Variants in LINGO2 observed in about 807,000 individuals in gnomAD.
The protein encoded by LINGO2 is leucine-rich repeat and immunoglobulin-like domain-containing nogo receptor-interacting protein 2.
In LINGO2, 14 loss-of-function variants were observed where a neutral mutation model predicts 30.6. The ratio of observed to expected loss-of-function variants is 0.46; its 90% CI spans 0.30 to 0.72. The LOEUF (loss-of-function observed/expected upper bound fraction) is 0.72, where lower values mean the gene tolerates loss of function less well. LINGO2 is among the 30% of genes least tolerant of loss of function. LINGO2 has a pLI of 0.07. For missense variants in LINGO2, 729 were observed against 751.7 expected (o/e 0.97, Z 0.35); for synonymous variants, 317 against 288.5 (o/e 1.10, Z -1.00).
chr9:28,284,133 A>G (rs868544506), intron 4 of LINGO2, among the ~76,000 whole-genome samples: 1 of 152,098 alleles, frequency 6.6e-6, no homozygotes, highest in Middle Eastern at 3.2e-3. Context: ...ACTGCAGTAC[A>G]TCCCTGAATC....
At position 28,404,926 on chromosome 9, in the gene LINGO2, G is replaced by GTGTGTT. The variant is rs1554717019; in HGVS notation, c.-278-32059_-278-32058insAACACA. The stretch of plus-strand genomic sequence containing the variant: ...TGTGTGTGTGTGTGTGTGTGTGTGT[G>GTGTGTT]TAAAATTCCAGAAGGACTACACCTT... On this transcript the variant is annotated intron_variant, in intron 2 of 5. Coordinates refer to ENST00000379992, the Ensembl canonical transcript of LINGO2. Among the ~76,000 whole-genome samples, 1,040 of 150,852 alleles carry GTGTGTT rather than the reference G, an allele frequency of 6.9e-3. 18 individuals carry two copies. The highest frequency in any genetic ancestry group is 0.022 in the African/African-American group (897 of 41,290).
At chr9:28,732,364 G>GA in the LINGO2 span, among the ~76,000 whole-genome samples, 71 of 144,880 alleles carry the variant, frequency 4.9e-4, no homozygotes, top group East Asian at 2.6e-3. Flanking sequence ...AAAAAAAAAT[G>GA]AAAAAAAAAA....
At chr9:28,992,541 C>G in the LINGO2 span, among the ~76,000 whole-genome samples, 1 of 152,032 alleles carries the variant, frequency 6.6e-6, no homozygotes, top group African/African-American at 2.4e-5. Context: ...AACTCTCCAC[C>G]CCAAATCAAC....
intron 4 of LINGO2, among the ~76,000 whole-genome samples, chr9:28,124,171 G>GGAT (rs1827175796): frequency 6.6e-6 from 1 of 152,110 alleles, no homozygotes; most frequent in Non-Finnish European, 1.5e-5. Context: ...GTAGTCTGAA[G>GGAT]GATACCATAT....
the LINGO2 span, among the ~76,000 whole-genome samples, chr9:29,074,288 A>G: frequency 2.1e-5 from 3 of 144,864 alleles, no homozygotes; most frequent in South Asian, 4.5e-4. Context: ...TCATCATTAT[A>G]TATTGATGTC....
intron 4 of LINGO2, among the ~76,000 whole-genome samples, chr9:28,146,167 A>C (rs918779210): frequency 1.3e-5 from 2 of 152,222 alleles, no homozygotes; most frequent in Non-Finnish European, 2.9e-5. Context: ...GCTGTACCAC[A>C]ATCAGCCCCC....
chr9:28,171,454 T>C (rs1828579125), intron 4 of LINGO2, among the ~76,000 whole-genome samples: 1 of 152,106 alleles, frequency 6.6e-6, no homozygotes, highest in African/African-American at 2.4e-5. Context: ...CCTTCATCAA[T>C]ACTAAAACCC....
At chr9:28,537,418 C>G (rs982629707) in intron 1 of LINGO2, among the ~76,000 whole-genome samples, 18 of 152,072 alleles carry the variant, frequency 1.2e-4, no homozygotes, top group African/African-American at 4.3e-4. Flanking sequence ...AATTATTTGA[C>G]TCTTTTGAGG....
At chr9:29,092,641 T>C in the LINGO2 span, among the ~76,000 whole-genome samples, 4 of 91,020 alleles carry the variant, frequency 4.4e-5, 1 homozygote, top group Non-Finnish European at 9.4e-5. Context: ...TTGAAAGATG[T>C]TAAAGTGTAT....
intron 4 of LINGO2, among the ~76,000 whole-genome samples, chr9:28,074,854 A>G (rs1268042367): frequency 6.6e-6 from 1 of 152,094 alleles, no homozygotes; most frequent in African/African-American, 2.4e-5. Flanking sequence ...TTATATCAGA[A>G]TAAGTGATAG....
intron 2 of LINGO2, among the ~76,000 whole-genome samples, chr9:28,429,032 T>C (rs1455428147): frequency 2.6e-5 from 4 of 152,336 alleles, no homozygotes; most frequent in Non-Finnish European, 5.9e-5. Context: ...AAATAAAGCA[T>C]ACTGTTTACT....
the LINGO2 span, among the ~76,000 whole-genome samples, chr9:29,162,624 A>T: frequency 1.3e-5 from 2 of 152,194 alleles, no homozygotes; most frequent in African/African-American, 4.8e-5. Flanking sequence ...CAAGTCATTA[A>T]ACATTCTTCC....
intron 3 of LINGO2, among the ~76,000 whole-genome samples, chr9:28,336,875 T>C (rs2134369927): frequency 6.6e-6 from 1 of 152,038 alleles, no homozygotes; most frequent in African/African-American, 2.4e-5. Context: ...TAAATAAAAA[T>C]TTGAATATTT....
chr9:29,062,040 A>G, the LINGO2 span, among the ~76,000 whole-genome samples: 2 of 152,224 alleles, frequency 1.3e-5, no homozygotes, highest in Non-Finnish European at 2.9e-5. Context: ...CAAAACAGAT[A>G]CGCAAATGGA....
the LINGO2 span, among the ~76,000 whole-genome samples, chr9:28,931,100 T>C: frequency 6.6e-6 from 1 of 152,192 alleles, no homozygotes; most frequent in Non-Finnish European, 1.5e-5. Context: ...TAGATTAAAC[T>C]TGCCGTGGCA....
intron 1 of LINGO2, among the ~76,000 whole-genome samples, chr9:28,499,977 C>A (rs76481397): frequency 0.01 from 1,566 of 152,290 alleles, 25 homozygotes; most frequent in African/African-American, 0.035. Context: ...TGATCCTAGA[C>A]TTGAAGGTAA....
chr9:28,918,752 A>G, the LINGO2 span, among the ~76,000 whole-genome samples: 26 of 152,312 alleles, frequency 1.7e-4, no homozygotes, highest in Admixed American at 3.3e-4. Flanking sequence ...TTTCATTCCC[A>G]CAGCTTCATG....
At chr9:28,166,350 C>G (rs1828426071) in intron 4 of LINGO2, among the ~76,000 whole-genome samples, 1 of 152,154 alleles carries the variant, frequency 6.6e-6, no homozygotes, top group South Asian at 2.1e-4. Context: ...TGCTACTTAC[C>G]AGCACTCTAA....
At chr9:27,953,708 C>T (rs1338516411) in intron 5 of LINGO2, among the ~76,000 whole-genome samples, 1 of 152,168 alleles carries the variant, frequency 6.6e-6, no homozygotes, top group Non-Finnish European at 1.5e-5. Context: ...TTCCTGAGGC[C>T]TCCCCAGCCA....
Sources: allele counts gnomAD v4.1 joint callset (sites outside exome capture counted in the v4.1 genomes callset), GRCh38; gene constraint gnomAD v4.1.1; transcripts MANE v1.5; gene names NCBI Gene and HGNC (gene_info 2026-07-23, HGNC 2026-07-21).